PLPP3: variants seen among roughly 807,000 people sequenced by gnomAD.
The protein encoded by PLPP3 is PAP2 beta.
A neutral mutation model predicts 29.6 loss-of-function variants in PLPP3; 6 were observed. The observed-to-expected ratio is 0.20, with a 90% CI of 0.11 to 0.40. The LOEUF is 0.40. PLPP3 is among the 10% of genes least tolerant of loss of function. The pLI, the probability that PLPP3 is intolerant of heterozygous loss-of-function variation, is 1.00. For synonymous variants in PLPP3, 152 were observed against 159.7 expected, an observed-to-expected ratio of 0.95 and a Z score of 0.36; for missense variants, 308 against 407.7, an observed-to-expected ratio of 0.76 and a Z score of 2.11.
chr1:56,548,076 G>C (rs1333881715), intron 1 of PLPP3, among the ~76,000 whole-genome samples: 1 of 152,186 alleles, frequency 6.6e-6, no homozygotes, highest in Non-Finnish European at 1.5e-5. Flanking sequence ...TCACTAAGGT[G>C]GTTGGAGTAA....
Position 56,524,970 on chromosome 1 carries a change from G to C in PLPP3, c.298-416C>G, listed in dbSNP as rs1457487951. ...TCGAGATTCTGAGATTTGGGGTAAA[G>C]GATCACCAACAATGACCTGACTCTA... On this transcript the variant is annotated intron_variant, in intron 2 of 5. Coordinates refer to ENST00000371250, the MANE Select transcript of PLPP3 (RefSeq NM_003713.5). This position sits in a 1 kb window ranked among gnomAD's most constrained non-coding sequence, Gnocchi z 4.3. 6.6e-6 allele frequency among the ~76,000 whole-genome samples: 1 copy of C among 152,086 alleles called. No homozygotes were observed. Among genetic ancestry groups the C allele is most frequent in the Non-Finnish European group, 1.5e-5 (1 of 67,992 alleles).
At chr1:56,525,881 T>G (rs1171574296) in intron 2 of PLPP3, among the ~76,000 whole-genome samples, 1 of 152,144 alleles carries the variant, frequency 6.6e-6, no homozygotes, top group African/African-American at 2.4e-5. Flanking sequence ...CATCAAGGCA[T>G]GAGGTCTGAT....
chr1:56,539,005 A>G (rs1645950478), intron 1 of PLPP3: 1 of 149,686 alleles, frequency 6.7e-6, no homozygotes, highest in Non-Finnish European at 1.5e-5. Context: ...TTGAATGCAC[A>G]CTCACAATGT....
chr1:56,498,860 C>T (rs928881753), intron 5 of PLPP3, among the ~76,000 whole-genome samples: 1 of 152,114 alleles, frequency 6.6e-6, no homozygotes, highest in Non-Finnish European at 1.5e-5. Context: ...TCTGGAACTC[C>T]TGACCTCATG....
intron 1 of PLPP3, among the ~76,000 whole-genome samples, chr1:56,563,000 T>C (rs1015866295): frequency 6.6e-6 from 1 of 152,246 alleles, no homozygotes; most frequent in African/African-American, 2.4e-5. Flanking sequence ...TACTTTCCCA[T>C]TGGTCTTGTG....
intron 5 of PLPP3, among the ~76,000 whole-genome samples, chr1:56,497,517 G>C (rs192938671): frequency 7.9e-5 from 12 of 152,292 alleles, no homozygotes; most frequent in African/African-American, 2.9e-4. Context: ...TTAGCAACAG[G>C]AGTTTTTACT....
intron 4 of PLPP3, among the ~76,000 whole-genome samples, chr1:56,518,652 T>C (rs1004997161): frequency 2.6e-5 from 4 of 151,218 alleles, no homozygotes; most frequent in African/African-American, 9.7e-5. Context: ...AAGTAGGATA[T>C]AGTAGTGAAT....
Position 56,521,022 on chromosome 1 carries a change from C to T in PLPP3, c.633+2801G>A, listed in dbSNP as rs184443372. Among the ~76,000 whole-genome samples the T allele has an allele frequency of 3.1e-3, 465 of 150,250 alleles. 2 individuals are homozygous for T. The highest frequency in any genetic ancestry group is 0.011 in the African/African-American group (448 of 40,920). On this transcript the variant is annotated intron_variant, in intron 4 of 5. Coordinates refer to ENST00000371250, the MANE Select transcript of PLPP3 (RefSeq NM_003713.5). Reference sequence around the variant, plus strand: ...GCCAAGGTGGTTGGATTGCTTGAGCCCAGGAGTTCAAAACCAGCCTGGCCA... The same window carrying T: ...GCCAAGGTGGTTGGATTGCTTGAGCTCAGGAGTTCAAAACCAGCCTGGCCA...
At chr1:56,573,646 C>T (rs1405602521) in intron 1 of PLPP3, among the ~76,000 whole-genome samples, 1 of 152,158 alleles carries the variant, frequency 6.6e-6, no homozygotes, top group East Asian at 1.9e-4. Context: ...ACCAGATAGG[C>T]CCCATGTTAG....
At chr1:56,541,131 T>C (rs1387943092) in intron 1 of PLPP3, among the ~76,000 whole-genome samples, 6 of 152,150 alleles carry the variant, frequency 3.9e-5, no homozygotes, top group Non-Finnish European at 8.8e-5. Flanking sequence ...ACAAAGACTA[T>C]TCTACTAGAG....
At chr1:56,571,872 T>C (rs1235597566) in intron 1 of PLPP3, among the ~76,000 whole-genome samples, 2 of 152,024 alleles carry the variant, frequency 1.3e-5, no homozygotes, top group African/African-American at 4.8e-5. Flanking sequence ...CTTGTGCAAG[T>C]TACTTAACAT....
chr1:56,579,315 GGGCGCGCTGTTGT>G lies in PLPP3; in HGVS notation c.-312_-300del, dbSNP rs1345988822. ...AACTTTTGCAGAGCTGCGCAGCTTG[GGGCGCGCTGTTGT>G]GGCGCGCGTCTGAGTGCGCGAGCGA... On this transcript the variant is annotated 5_prime_UTR_variant, in exon 1 of 6. Transcript: ENST00000371250. 1 of 355,110 alleles carries G rather than the reference GGGCGCGCTGTTGT, an allele frequency of 2.8e-6. No homozygotes were observed. Among genetic ancestry groups the G allele is most frequent in the Non-Finnish European group, 5.1e-6 (1 of 196,670 alleles). 22.0% of individuals were successfully genotyped at this position (355,110 alleles called of 1,614,324 possible).
chr1:56,527,280 A>C (rs1645858712), intron 2 of PLPP3, among the ~76,000 whole-genome samples: 1 of 152,210 alleles, frequency 6.6e-6, no homozygotes, highest in Non-Finnish European at 1.5e-5. Context: ...ATTCCTAATA[A>C]TAATGTTAAC....
chr1:56,517,969 C>T (rs1257966406), intron 4 of PLPP3, among the ~76,000 whole-genome samples: 3 of 152,142 alleles, frequency 2.0e-5, no homozygotes, highest in South Asian at 2.1e-4. Flanking sequence ...CCACTTCCAT[C>T]CCCTGAGTCC....
At chr1:56,551,523 C>T (rs1474464005) in intron 1 of PLPP3, among the ~76,000 whole-genome samples, 5 of 152,064 alleles carry the variant, frequency 3.3e-5, no homozygotes, top group African/African-American at 9.7e-5. Flanking sequence ...AACAGGTGCA[C>T]ACACACGTTT....
At chr1:56,503,950 G>T (rs1427507713) in intron 5 of PLPP3, among the ~76,000 whole-genome samples, 2 of 151,950 alleles carry the variant, frequency 1.3e-5, no homozygotes, top group African/African-American at 4.8e-5. Flanking sequence ...GCCAATTTTT[G>T]TATTTTTTTA....
At chr1:56,521,939 A>G (rs1023895444) in intron 4 of PLPP3, among the ~76,000 whole-genome samples, 14 of 152,184 alleles carry the variant, frequency 9.2e-5, no homozygotes, top group Non-Finnish European at 1.8e-4. Context: ...TCAACCATCA[A>G]AGCAAAAGGA....
chr1:56,534,863 G>A (rs986593780), intron 2 of PLPP3, among the ~76,000 whole-genome samples: 1 of 152,038 alleles, frequency 6.6e-6, no homozygotes, highest in Admixed American at 6.6e-5. Flanking sequence ...AACAGCAGTT[G>A]GACCAAGAGG....
chr1:56,577,725 T>C (rs144889338), intron 1 of PLPP3, among the ~76,000 whole-genome samples: 4 of 152,186 alleles, frequency 2.6e-5, no homozygotes, highest in Non-Finnish European at 5.9e-5. Flanking sequence ...GTTAGCAGAG[T>C]TGGCAGAACA....
Sources: gnomAD v4.1 joint callset for allele counts (sites outside exome capture counted in the v4.1 genomes callset) on GRCh38, gnomAD v4.1.1 for gene constraint, Gnocchi (gnomAD v3.1) non-coding constraint, MANE v1.5 for transcripts, NCBI Gene and HGNC (gene_info 2026-07-23, HGNC 2026-07-21) for gene names.